KLRD1: variants seen among roughly 807,000 people sequenced by gnomAD.
KLRD1 encodes the protein killer cell lectin like receptor D1.
Under a neutral mutation model 22.6 loss-of-function variants are expected in KLRD1, and 21 were observed. The observed-to-expected ratio is 0.93, with a 90% CI of 0.66 to 1.34. KLRD1 has a LOEUF of 1.34. Ranked by LOEUF, KLRD1 falls within the 40% of genes most tolerant of loss-of-function variation. The pLI is 0.00. For missense variants in KLRD1, 183 were observed against 208.6 expected (o/e 0.88, Z 0.76); for synonymous variants, 59 against 71.1 (o/e 0.83, Z 0.85).
chr12:10,239,457 C>CTT (rs1565443128), intron 1 of KLRD1, among the ~76,000 whole-genome samples: 4 of 112,382 alleles, frequency 3.6e-5, no homozygotes, highest in African/African-American at 1.1e-4. Context: ...TTCCTTCCTT[C>CTT]CTTCCTTCCT....
At chr12:10,254,278 A>G (rs1168464354) in intron 1 of KLRD1, among the ~76,000 whole-genome samples, 1 of 151,456 alleles carries the variant, frequency 6.6e-6, no homozygotes, top group Non-Finnish European at 1.5e-5. Flanking sequence ...AATACAAAAA[A>G]TTAGCAGGGC....
Position 10,320,094 on chromosome 12 carries a change from C to T in KLRD1, c.*5301C>T, listed in dbSNP as rs1181096328. The stretch of plus-strand genomic sequence containing the variant: ...TGTTGGTCAGGCTGGTCTTGAACTC[C>T]TGACCTCAGGTGATCTGCCTACCTC... On this transcript the variant is annotated 3_prime_UTR_variant, in exon 6 of 6. Transcript: ENST00000336164. 2.0e-5 allele frequency: 3 copies of T among 151,974 alleles called. No homozygotes were observed. Among genetic ancestry groups the T allele is most frequent in the African/African-American group, 7.2e-5 (3 of 41,510 alleles). 9.4% of individuals were successfully genotyped at this position (151,974 alleles called of 1,614,324 possible).
In KLRD1 at chr12:10,318,032, A is replaced by T. The variant is rs1950268144; in HGVS notation, c.*3239A>T. The T allele has an allele frequency of 6.6e-6, 1 of 152,190 alleles. No homozygotes were observed. The highest frequency in any genetic ancestry group is 2.1e-4 in the South Asian group (1 of 4,826). 9.4% of individuals were successfully genotyped at this position (152,190 alleles called of 1,614,324 possible). A position where few individuals can be genotyped will look rare whatever the true frequency, so the allele number is the denominator to read the frequency against. ...TACCTCCTACCAGTTCCCTCACATGATACGTGAGGATTAGGGGCACTACAA... is the reference window on the plus strand; with the variant it reads ...TACCTCCTACCAGTTCCCTCACATGTTACGTGAGGATTAGGGGCACTACAA... On this transcript the variant is annotated 3_prime_UTR_variant, in exon 6 of 6. Transcript: ENST00000336164.
intron 1 of KLRD1, among the ~76,000 whole-genome samples, chr12:10,250,558 A>G (rs1949337499): frequency 6.6e-6 from 1 of 151,820 alleles, no homozygotes. Context: ...CCTGGGTTCA[A>G]CTGATTCTCC....
At chr12:10,286,689 T>A (rs1006062078) in intron 1 of KLRD1, among the ~76,000 whole-genome samples, 19 of 140,442 alleles carry the variant, frequency 1.4e-4, no homozygotes, top group African/African-American at 3.2e-4. Context: ...TTTTTTTTTT[T>A]ATAGAGACGG....
intron 1 of KLRD1, among the ~76,000 whole-genome samples, chr12:10,285,315 A>T (rs1949691097): frequency 6.6e-6 from 1 of 152,212 alleles, no homozygotes; most frequent in Non-Finnish European, 1.5e-5. Context: ...TTCTTTTAAA[A>T]ACAGTCTGTA....
intron 1 of KLRD1, among the ~76,000 whole-genome samples, chr12:10,242,613 C>T (rs1445375269): frequency 6.6e-6 from 1 of 152,174 alleles, no homozygotes; most frequent in Admixed American, 6.5e-5. Flanking sequence ...GAGGAGCTTT[C>T]ATACTGTCTT....
chr12:10,279,798 C>G (rs1455979876), intron 1 of KLRD1, among the ~76,000 whole-genome samples: 1 of 152,166 alleles, frequency 6.6e-6, no homozygotes, highest in Non-Finnish European at 1.5e-5. Flanking sequence ...ATTCCTCCCT[C>G]TTTCCTCTTC....
chr12:10,306,628 A>T (rs1949934109), upstream of KLRD1, among the ~76,000 whole-genome samples: 1 of 152,210 alleles, frequency 6.6e-6, no homozygotes, highest in Admixed American at 6.5e-5. Flanking sequence ...GCTTTTTCTA[A>T]CACTAAAAAT....
At chr12:10,296,443 G>C (rs1251732307) in intron 1 of KLRD1, among the ~76,000 whole-genome samples, 1 of 152,140 alleles carries the variant, frequency 6.6e-6, no homozygotes, top group Non-Finnish European at 1.5e-5. Flanking sequence ...GTGAACCCGG[G>C]AGGTGGAGCT....
intron 1 of KLRD1, among the ~76,000 whole-genome samples, chr12:10,271,094 A>AT (rs1484669808): frequency 4.4e-5 from 2 of 45,156 alleles, no homozygotes; most frequent in African/African-American, 6.0e-5. Flanking sequence ...CCACTCCCTA[A>AT]TTGTTTTTTT....
intron 1 of KLRD1, among the ~76,000 whole-genome samples, chr12:10,248,370 C>T (rs1949312038): frequency 6.6e-6 from 1 of 152,058 alleles, no homozygotes; most frequent in Admixed American, 6.6e-5. Flanking sequence ...TGGTACATGA[C>T]TATTGTTCTT....
intron 1 of KLRD1, among the ~76,000 whole-genome samples, chr12:10,295,617 A>G (rs1949814658): frequency 6.6e-6 from 1 of 152,236 alleles, no homozygotes; most frequent in Non-Finnish European, 1.5e-5. Context: ...ACTTTAAAAT[A>G]CAGGTGATAA....
intron 1 of KLRD1, among the ~76,000 whole-genome samples, chr12:10,240,041 C>T (rs1049730332): frequency 5.3e-5 from 8 of 151,334 alleles, no homozygotes; most frequent in East Asian, 2.0e-4. Flanking sequence ...CAAGGTGTTC[C>T]GGGATAATCA....
Position 10,323,557 on chromosome 12 carries a change from A to G in KLRD1, c.*8764A>G, listed in dbSNP as rs1476144085. 1.3e-5 allele frequency: 2 copies of G among 152,018 alleles called. No individual in the cohort carries two copies. The highest frequency in any genetic ancestry group is 3.9e-4 in the East Asian group (2 of 5,182). The allele number at this position is 152,018 out of a possible 1,614,324, so 9.4% of individuals were successfully genotyped here. On this transcript the variant is annotated 3_prime_UTR_variant, in exon 6 of 6. Transcript: ENST00000336164. ...ACTTTAAGCATACTTTATATGCTTA[A>G]AGTATGACATTTGATGTATTTCCAT...
chr12:10,268,830 G>A (rs12099556), intron 1 of KLRD1, among the ~76,000 whole-genome samples: 7 of 152,044 alleles, frequency 4.6e-5, no homozygotes, highest in Non-Finnish European at 1.0e-4. Flanking sequence ...AGTTAAATAC[G>A]TTTGTATTTA....
chr12:10,328,493 G>T lies in KLRD1; in HGVS notation c.*13700G>T, dbSNP rs1950381144. The stretch of plus-strand genomic sequence containing the variant: ...CATCTTTTATATTTCTGTGGCATCA[G>T]TTGCAATGTCTTATTTCTGATTTCA... On this transcript the variant is annotated 3_prime_UTR_variant, in exon 6 of 6. Transcript: ENST00000336164. 6.6e-6 allele frequency: 1 copy of T among 151,998 alleles called. No homozygotes were observed. The allele number at this position is 151,998 out of a possible 1,614,324, so 9.4% of individuals were successfully genotyped here. A position where few individuals can be genotyped will look rare whatever the true frequency, so the allele number is the denominator to read the frequency against.
chr12:10,274,718 A>G (rs772047234), intron 1 of KLRD1, among the ~76,000 whole-genome samples: 27 of 152,206 alleles, frequency 1.8e-4, no homozygotes, highest in Non-Finnish European at 2.6e-4. Context: ...CCAATATATT[A>G]TTTTGTCTTT....
chr12:10,259,876 G>A (rs1322002499), intron 1 of KLRD1, among the ~76,000 whole-genome samples: 1 of 152,214 alleles, frequency 6.6e-6, no homozygotes, highest in African/African-American at 2.4e-5. Flanking sequence ...TGAGGCAGGA[G>A]ACTTGCTTGA....
Sources: gnomAD v4.1 joint callset for allele counts (sites outside exome capture counted in the v4.1 genomes callset) on GRCh38, gnomAD v4.1.1 for gene constraint, MANE v1.5 for transcripts, NCBI Gene and HGNC (gene_info 2026-07-23, HGNC 2026-07-21) for gene names.